DENND1B: variants seen among roughly 807,000 people sequenced by gnomAD.
DENND1B encodes DENN domain-containing protein 1B.
In DENND1B, 59 loss-of-function variants were observed where a neutral mutation model predicts 90.1. The ratio of observed to expected loss-of-function variants is 0.65; its 90% CI spans 0.53 to 0.81. The LOEUF is 0.81. DENND1B is among the 40% of genes least tolerant of loss of function. The pLI is 0.00. For missense variants in DENND1B, 862 were observed against 912.6 expected (o/e 0.94, Z 0.71); for synonymous variants, 337 against 324.6 (o/e 1.04, Z -0.41).
intron 9 of DENND1B, among the ~76,000 whole-genome samples, chr1:197,644,669 T>C (rs961641261): frequency 1.3e-5 from 2 of 152,186 alleles, no homozygotes; most frequent in African/African-American, 4.8e-5. Flanking sequence ...TACGAGCAAC[T>C]TGATGCAAAG....
intron 4 of DENND1B, 43 bp downstream of exon 4, chr1:197,674,077 C>T (rs1274653286): frequency 1.5e-6 from 2 of 1,331,996 alleles, no homozygotes; most frequent in Non-Finnish European, 2.1e-6. Flanking sequence ...CAAGTATGTA[C>T]TATAAGAATC....
At chr1:197,668,208 T>C (rs1416002217) in intron 5 of DENND1B, among the ~76,000 whole-genome samples, 2 of 152,158 alleles carry the variant, frequency 1.3e-5, no homozygotes, top group Non-Finnish European at 2.9e-5. Context: ...TGTATATATG[T>C]GTATGTTTTT....
intron 5 of DENND1B, among the ~76,000 whole-genome samples, chr1:197,664,476 A>G (rs969295906): frequency 2.6e-5 from 4 of 152,134 alleles, no homozygotes; most frequent in Admixed American, 6.5e-5. Flanking sequence ...CTGTAAAGAC[A>G]TAAGGCAAAA....
intron 2 of DENND1B, among the ~76,000 whole-genome samples, chr1:197,755,575 A>G (rs1654177377): frequency 6.6e-6 from 1 of 152,208 alleles, no homozygotes; most frequent in African/African-American, 2.4e-5. Context: ...TAAACTAATA[A>G]GAATTTCCAT....
chr1:197,560,864 G>A (rs982385215), intron 15 of DENND1B, among the ~76,000 whole-genome samples: 5 of 151,626 alleles, frequency 3.3e-5, no homozygotes, highest in Admixed American at 2.0e-4. Flanking sequence ...TTCAGTTGAC[G>A]ATCTTTCTTC....
chr1:197,750,709 C>T (rs1037952495), intron 2 of DENND1B, among the ~76,000 whole-genome samples: 1 of 152,068 alleles, frequency 6.6e-6, no homozygotes, highest in Admixed American at 6.6e-5. Flanking sequence ...CAGAGCAGTT[C>T]TATTCATATA....
chr1:197,614,369 GTTTC>G (rs1402739917), intron 11 of DENND1B, among the ~76,000 whole-genome samples: 2 of 150,894 alleles, frequency 1.3e-5, no homozygotes, highest in African/African-American at 2.4e-5. Flanking sequence ...GTGAATAGTT[GTTTC>G]TTTCTCACAA....
At chr1:197,631,273 A>G (rs1032460961) in intron 10 of DENND1B, among the ~76,000 whole-genome samples, 4 of 152,274 alleles carry the variant, frequency 2.6e-5, no homozygotes, top group Admixed American at 6.5e-5. Context: ...CAATAAATAT[A>G]CAATATAAGA....
chr1:197,728,446 T>G (rs944052227), intron 2 of DENND1B, among the ~76,000 whole-genome samples: 1 of 152,190 alleles, frequency 6.6e-6, no homozygotes, highest in African/African-American at 2.4e-5. Context: ...ATTTTCCCAA[T>G]GACTTGATTA....
At chr1:197,770,097 A>C (rs1656223354) in intron 2 of DENND1B, among the ~76,000 whole-genome samples, 1 of 152,180 alleles carries the variant, frequency 6.6e-6, no homozygotes, top group African/African-American at 2.4e-5. Flanking sequence ...CATACTATTT[A>C]AGTCATAATA....
At chr1:197,754,659 C>CAAAAAAAAAAAAAAAAAAAAAAAA (rs57926782) in intron 2 of DENND1B, among the ~76,000 whole-genome samples, 3 of 72,894 alleles carry the variant, frequency 4.1e-5, no homozygotes, top group African/African-American at 5.5e-5. Flanking sequence ...GACTCTGTCT[C>CAAAAAAAAAAAAAAAAAAAAAAAA]AAAAAAAAAA....
intron 10 of DENND1B, 124 bp from the exon 11 acceptor site, chr1:197,617,883 T>A (rs1196379691): frequency 3.1e-5 from 21 of 680,946 alleles, no homozygotes; most frequent in Non-Finnish European, 5.2e-5. Context: ...TAAATCACAT[T>A]GTCTTTATCA....
chr1:197,513,828 C>T (rs190156295), intron 20 of DENND1B, among the ~76,000 whole-genome samples: 1 of 151,426 alleles, frequency 6.6e-6, no homozygotes, highest in Non-Finnish European at 1.5e-5. Context: ...TTCAACCTTC[C>T]CTCTCCTATA....
chr1:197,669,312 A>T (rs528451842), intron 5 of DENND1B, among the ~76,000 whole-genome samples: 8 of 152,158 alleles, frequency 5.3e-5, no homozygotes, highest in African/African-American at 1.9e-4. Context: ...AACAATTTTA[A>T]AGCTAAAAGT....
At chr1:197,536,322 A>ATCC (rs1669903883) in intron 20 of DENND1B, among the ~76,000 whole-genome samples, 1 of 152,288 alleles carries the variant, frequency 6.6e-6, no homozygotes, top group South Asian at 2.1e-4. Context: ...TATCCTTATA[A>ATCC]TAAATGGCTT....
chr1:197,708,090 C>G (rs1202151832), intron 3 of DENND1B, among the ~76,000 whole-genome samples: 4 of 134,088 alleles, frequency 3.0e-5, no homozygotes, highest in African/African-American at 8.4e-5. Context: ...CCCACGGAAT[C>G]GCGCTGATTG....
At chr1:197,528,230 T>A (rs111981484) in intron 20 of DENND1B, among the ~76,000 whole-genome samples, 498 of 152,300 alleles carry the variant, frequency 3.3e-3, no homozygotes, top group Non-Finnish European at 5.7e-3. Flanking sequence ...ATAAACTATT[T>A]GATTGCTCAT....
rs2125691607 is a variant in DENND1B at position 197,555,487 on chromosome 1, C to G, written c.1150-2375G>C. On this transcript the variant is annotated intron_variant, in intron 15 of 22. Coordinates refer to ENST00000620048, the MANE Select transcript of DENND1B (RefSeq NM_001195215.2). ...CCAACAAAGGACTAATATCCAGAAT[C>G]TATAAGAAACTTAAACCAACAAGAA... Among the ~76,000 whole-genome samples, 2 of 152,060 alleles carry G rather than the reference C, an allele frequency of 1.3e-5. 1 individual carries two copies. Among genetic ancestry groups the G allele is most frequent in the South Asian group, 4.2e-4 (2 of 4,812 alleles).
At chr1:197,621,208 C>T (rs1572091857) in intron 10 of DENND1B, among the ~76,000 whole-genome samples, 1 of 150,764 alleles carries the variant, frequency 6.6e-6, no homozygotes, top group East Asian at 2.0e-4. Context: ...ATATTATTCT[C>T]GATGACATTT....
Sources: allele counts gnomAD v4.1 joint callset (sites outside exome capture counted in the v4.1 genomes callset), GRCh38; gene constraint gnomAD v4.1.1; transcripts MANE v1.5; gene names NCBI Gene and HGNC (gene_info 2026-07-23, HGNC 2026-07-21).